AP2A2: variants seen among roughly 807,000 people sequenced by gnomAD.
The protein encoded by AP2A2 is AP-2 complex subunit alpha-2.
AP2A2 carries 32 observed loss-of-function variants against 104.2 expected under a neutral mutation model. The observed-to-expected ratio is 0.31, with a 90% confidence interval of 0.23 to 0.41. AP2A2 has a LOEUF of 0.41. AP2A2 is among the 10% of genes least tolerant of loss of function. AP2A2 has a pLI of 1.00. For missense variants in AP2A2, 912 were observed against 1,261.0 expected (o/e 0.72, Z 4.19); for synonymous variants, 539 against 533.3 (o/e 1.01, Z -0.15).
chr11:996,115 G>A (rs1334263363), intron 14 of AP2A2: 1 of 152,286 alleles, frequency 6.6e-6, no homozygotes, highest in East Asian at 1.9e-4. Context: ...TCTGGAGGCA[G>A]AAACTTGCTT....
chr11:1,003,051 G>C (rs1235943861), intron 15 of AP2A2, among the ~76,000 whole-genome samples: 2 of 152,258 alleles, frequency 1.3e-5, no homozygotes, highest in African/African-American at 4.8e-5. Flanking sequence ...GTTTCCTAGA[G>C]GAGGTCAGAA....
chr11:957,875 A>C (rs981550332), intron 1 of AP2A2, among the ~76,000 whole-genome samples: 1 of 152,236 alleles, frequency 6.6e-6, no homozygotes, highest in Non-Finnish European at 1.5e-5. Flanking sequence ...CGTGAGGGTA[A>C]CAGAGACCAT....
chr11:993,415 G>T lies in AP2A2; in HGVS notation c.1550+34G>T. On this transcript the variant is annotated intron_variant, in intron 12 of 21. Transcript: ENST00000448903. The surrounding 1 kb of genome is among the most constrained non-coding windows in gnomAD (Gnocchi z 8.2). ...CCCTTTGCGAGTCGGGGCTGTGTGC[G>T]CTCCGGCGGGCCTCTCGGTGGTCGG... The T allele has an allele frequency of 1.3e-6, 2 of 1,524,312 alleles. No homozygotes were observed. 94.4% of individuals were successfully genotyped at this position (1,524,312 alleles called of 1,614,324 possible). A position where few individuals can be genotyped will look rare whatever the true frequency, so the allele number is the denominator to read the frequency against.
chr11:967,865 C>G (rs910161921), intron 2 of AP2A2, among the ~76,000 whole-genome samples: 7 of 152,182 alleles, frequency 4.6e-5, no homozygotes, highest in Admixed American at 1.3e-4. Context: ...TACTGTTATC[C>G]TCTGCCTTTT....
intron 14 of AP2A2, chr11:995,351 G>A (rs554431955): frequency 3.1e-5 from 14 of 455,900 alleles, no homozygotes; most frequent in Admixed American, 1.4e-4. Context: ...GAGAAGTGTC[G>A]TTTTGAGAGT....
At chr11:928,014 A>G (rs979793983) in intron 1 of AP2A2, among the ~76,000 whole-genome samples, 3 of 152,178 alleles carry the variant, frequency 2.0e-5, no homozygotes, top group African/African-American at 7.2e-5. Flanking sequence ...CTGTCCTTCC[A>G]TTTTTGAAGA....
intron 21 of AP2A2, 46 bp from the exon 22 acceptor site, chr11:1,010,502 T>C (rs1380900865): frequency 4.7e-6 from 7 of 1,493,026 alleles, no homozygotes; most frequent in Non-Finnish European, 5.5e-6. Flanking sequence ...CCGAGGGCTG[T>C]GTGAGCCTCG....
intron 6 of AP2A2, among the ~76,000 whole-genome samples, chr11:983,305 A>G (rs759758119): frequency 8.6e-5 from 13 of 151,902 alleles, no homozygotes; most frequent in Non-Finnish European, 1.3e-4. Context: ...CATTATAGGC[A>G]TGAGACACCG....
Position 1,000,533 on chromosome 11 carries a change from C to T in AP2A2, c.2058C>T (p.Asp686=), listed in dbSNP as rs1855997758. The T allele has an allele frequency of 3.2e-6, 5 of 1,547,184 alleles. No individual in the cohort carries two copies. Among genetic ancestry groups the T allele is most frequent in the South Asian group, 2.4e-5 (2 of 84,628 alleles). Reference sequence around the variant, plus strand: ...CCGGCGGCAGCGGGCTGCTCGTGGACGTGTTCTCAGACTCGGCCTCTGTGG... The same window carrying T: ...CCGGCGGCAGCGGGCTGCTCGTGGATGTGTTCTCAGACTCGGCCTCTGTGG... The part of the protein sequence containing the change: ...PSSGGSGLLV[D]VFSDSASVVA... The change falls in exon 15 of 22, where the codon GAC becomes GAT. Residue 686 remains aspartate, a synonymous_variant. Transcript: ENST00000448903.
chr11:1,008,589 G>A lies in AP2A2; in HGVS notation c.2420+454G>A, dbSNP rs1040610226. ...TAAAAGCATAGGATTTTCCTGTTGCGACTGTTCATTACTCTCACTTTTCAG... is the reference window on the plus strand; with the variant it reads ...TAAAAGCATAGGATTTTCCTGTTGCAACTGTTCATTACTCTCACTTTTCAG... On this transcript the variant is annotated intron_variant, in intron 18 of 21. Transcript: ENST00000448903. 2.6e-5 allele frequency: 5 copies of A among 195,078 alleles called. No individual in the cohort carries two copies. In the East Asian group the frequency reaches 7.1e-4, roughly 28 times the overall value. The allele number at this position is 195,078 out of a possible 1,614,324, so 12.1% of individuals were successfully genotyped here. A position where few individuals can be genotyped will look rare whatever the true frequency, so the allele number is the denominator to read the frequency against.
At chr11:1,006,502 G>GA in intron 16 of AP2A2, 26 bp from the exon 17 acceptor site, 4 of 1,549,984 alleles carry the variant, frequency 2.6e-6, no homozygotes, top group Non-Finnish European at 3.6e-6. Context: ...TGGTGTGTGT[G>GA]AAAAAATTGT....
chr11:981,115 G>C, intron 5 of AP2A2, 83 bp from the exon 6 acceptor site: 1 of 1,252,868 alleles, frequency 8.0e-7, no homozygotes, highest in Non-Finnish European at 1.1e-6. Context: ...CTGCTGGTTG[G>C]TTTAAGGTTT....
intron 2 of AP2A2, among the ~76,000 whole-genome samples, chr11:962,575 A>G (rs1343570725): frequency 6.6e-6 from 1 of 152,076 alleles, no homozygotes; most frequent in Non-Finnish European, 1.5e-5. Flanking sequence ...TTTACTAAAA[A>G]TAGAAAAATT....
In AP2A2 at chr11:993,492, C is replaced by T. The variant is rs1855733201; in HGVS notation, c.1550+111C>T. 4 of 787,932 alleles carry T rather than the reference C, an allele frequency of 5.1e-6. No homozygotes were observed. The highest frequency in any genetic ancestry group is 7.8e-6 in the Non-Finnish European group (4 of 513,246). 48.8% of individuals were successfully genotyped at this position (787,932 alleles called of 1,614,324 possible). ...CCTGCCGTGAGGCCTCGCAGAGCCG[C>T]TTCTGCTCCCCATCGGCGTCTTTTT... is the stretch of plus-strand genomic sequence containing the variant. On this transcript the variant is annotated intron_variant, in intron 12 of 21. Transcript: ENST00000448903. This position sits in a 1 kb window ranked among gnomAD's most constrained non-coding sequence, Gnocchi z 8.2.
intron 1 of AP2A2, among the ~76,000 whole-genome samples, chr11:937,970 C>T (rs1401905108): frequency 6.6e-6 from 1 of 152,216 alleles, no homozygotes; most frequent in Non-Finnish European, 1.5e-5. Flanking sequence ...TGCCACCTTT[C>T]TGCCTCTGAT....
At chr11:927,536 C>G (rs904448602) in intron 1 of AP2A2, among the ~76,000 whole-genome samples, 2 of 149,904 alleles carry the variant, frequency 1.3e-5, no homozygotes, top group Non-Finnish European at 3.0e-5. Flanking sequence ...AAGCATAGAG[C>G]TGGGTGCGGT....
chr11:1,002,904 C>A (rs1206606865), intron 15 of AP2A2, among the ~76,000 whole-genome samples: 1 of 152,222 alleles, frequency 6.6e-6, no homozygotes, highest in Non-Finnish European at 1.5e-5. Flanking sequence ...GGGGGCGGTG[C>A]CATGACCTCC....
At chr11:981,709 A>C (rs1855247948) in intron 6 of AP2A2, among the ~76,000 whole-genome samples, 1 of 152,280 alleles carries the variant, frequency 6.6e-6, no homozygotes, top group South Asian at 2.1e-4. Context: ...TTTTGTGTGC[A>C]GCTGTTATAC....
chr11:999,929 G>A (rs576756247), intron 14 of AP2A2, among the ~76,000 whole-genome samples: 18 of 150,386 alleles, frequency 1.2e-4, no homozygotes, highest in African/African-American at 3.7e-4. Flanking sequence ...TCAGCCTCCC[G>A]AGTAGCTGGG....
Sources: gnomAD v4.1 joint callset for allele counts (sites outside exome capture counted in the v4.1 genomes callset) on GRCh38, gnomAD v4.1.1 for gene constraint, Gnocchi (gnomAD v3.1) non-coding constraint, MANE v1.5 for transcripts, NCBI Gene and HGNC (gene_info 2026-07-23, HGNC 2026-07-21) for gene names.